The following SLIT1 variants were observed in gnomAD, a reference collection of about 807,000 sequenced individuals.
SLIT1 encodes slit homolog 1 protein.
Under a neutral mutation model 186.1 loss-of-function variants are expected in SLIT1, and 66 were observed. The ratio of observed to expected loss-of-function variants is 0.35; its 90% CI spans 0.29 to 0.44. The LOEUF (loss-of-function observed/expected upper bound fraction) is 0.44, where lower values mean the gene tolerates loss of function less well. Ranked by LOEUF, SLIT1 falls within the 20% of genes least tolerant of loss-of-function variation. The pLI, the probability that SLIT1 is intolerant of heterozygous loss-of-function variation, is 1.00. For synonymous variants in SLIT1, 761 were observed against 833.8 expected, an observed-to-expected ratio of 0.91 and a Z score of 1.50; for missense variants, 1,638 against 2,037.4, an observed-to-expected ratio of 0.80 and a Z score of 3.77.
chr10:97,185,888 G>A lies in SLIT1; in HGVS notation c.-214C>T, dbSNP rs1434498234. 4.0e-5 allele frequency: 20 copies of A among 498,906 alleles called. No homozygotes were observed. In the East Asian group the frequency reaches 6.8e-4, roughly 17 times the overall value. 30.9% of individuals were successfully genotyped at this position (498,906 alleles called of 1,614,324 possible). On this transcript the variant is annotated 5_prime_UTR_variant, in exon 1 of 37. Transcript: ENST00000266058. Reference sequence around the variant, plus strand: ...AGGGCGCCTTGGGCGGAGGGGGCTCGGCTCCTCTGCCGTTTCGCCGCCTGC... The same window carrying A: ...AGGGCGCCTTGGGCGGAGGGGGCTCAGCTCCTCTGCCGTTTCGCCGCCTGC...
chr10:97,082,547 G>A (rs1849115936), intron 4 of SLIT1, among the ~76,000 whole-genome samples: 1 of 152,016 alleles, frequency 6.6e-6, no homozygotes, highest in South Asian at 2.1e-4. Flanking sequence ...TCATTCTCCT[G>A]CCTCAGCCTC....
intron 1 of SLIT1, among the ~76,000 whole-genome samples, chr10:97,173,032 G>A (rs972112072): frequency 1.6e-4 from 25 of 152,054 alleles, no homozygotes; most frequent in African/African-American, 5.8e-4. Context: ...AGCTCCACAC[G>A]CAGAGGATGC....
At chr10:97,137,638 T>G (rs1470918171) in intron 4 of SLIT1, among the ~76,000 whole-genome samples, 2 of 151,962 alleles carry the variant, frequency 1.3e-5, no homozygotes, top group South Asian at 2.1e-4. Flanking sequence ...AGGCTGGAGT[T>G]CAGGGACATA....
At chr10:97,098,131 A>G (rs749913205) in intron 4 of SLIT1, among the ~76,000 whole-genome samples, 2 of 152,202 alleles carry the variant, frequency 1.3e-5, no homozygotes, top group Non-Finnish European at 1.5e-5. Context: ...CCTTCCACAG[A>G]TGGGACAGTG....
chr10:97,052,005 ATACATGC>A (rs1248928762), intron 13 of SLIT1, among the ~76,000 whole-genome samples: 1 of 152,136 alleles, frequency 6.6e-6, no homozygotes, highest in Non-Finnish European at 1.5e-5. Flanking sequence ...CAAAGTACTG[ATACATGC>A]TACAATATGA....
At chr10:97,182,225 A>T (rs1850347956) in intron 1 of SLIT1, among the ~76,000 whole-genome samples, 1 of 152,150 alleles carries the variant, frequency 6.6e-6, no homozygotes, top group African/African-American at 2.4e-5. Context: ...ACAGCAAACC[A>T]ATGACCATTT....
intron 4 of SLIT1, among the ~76,000 whole-genome samples, chr10:97,149,457 T>C (rs1341065690): frequency 6.6e-6 from 1 of 152,132 alleles, no homozygotes; most frequent in East Asian, 1.9e-4. Flanking sequence ...GGCTCTCACA[T>C]TGAACCGGGC....
At position 97,064,236 on chromosome 10, in the gene SLIT1, G is replaced by C; in HGVS notation, c.561C>G (p.Thr187=). ...FRALRGLEVL[T]LNNNNITTIP... ...TGGTGGTGATATTGTTGTTGTTCAGGGTCCTAAATGGGAAAAACCAGAGTC... is the reference window on the plus strand; with the variant it reads ...TGGTGGTGATATTGTTGTTGTTCAGCGTCCTAAATGGGAAAAACCAGAGTC... The change falls in exon 7 of 37, where the codon ACC becomes ACG. Residue 187 remains threonine (T), a synonymous_variant. Transcript: ENST00000266058. The C allele has an allele frequency of 6.2e-7, 1 of 1,613,474 alleles. No homozygotes were observed. Among genetic ancestry groups the C allele is most frequent in the Non-Finnish European group, 8.5e-7 (1 of 1,179,714 alleles).
intron 4 of SLIT1, among the ~76,000 whole-genome samples, chr10:97,086,152 G>A (rs1298728665): frequency 2.0e-5 from 3 of 152,230 alleles, no homozygotes; most frequent in Admixed American, 6.5e-5. Context: ...ATCTGTACAT[G>A]GGTGTTTATG....
intron 4 of SLIT1, chr10:97,102,761 C>G (rs1849372735): frequency 1.3e-5 from 2 of 152,234 alleles, no homozygotes; most frequent in Admixed American, 1.3e-4. Flanking sequence ...TATACAGTGT[C>G]CAGGGAGCAC....
intron 3 of SLIT1, among the ~76,000 whole-genome samples, chr10:97,160,872 C>G (rs1850016093): frequency 6.6e-6 from 1 of 152,130 alleles, no homozygotes; most frequent in Admixed American, 6.5e-5. Context: ...AGGCACGTAC[C>G]ACTGTGCCTG....
Position 97,056,624 on chromosome 10 carries a change from G to C in SLIT1, c.1158-160C>G, listed in dbSNP as rs187443685. ...GCCCTCTGGATGTCTGCCCCACGGA[G>C]AGGGGCCCGGAACTCCGACTGCCTC... On this transcript the variant is annotated intron_variant, in intron 12 of 36. Coordinates refer to ENST00000266058, the MANE Select transcript of SLIT1 (RefSeq NM_003061.3). Among the ~76,000 whole-genome samples the C allele has an allele frequency of 2.7e-4, 41 of 152,346 alleles. No individual in the cohort carries two copies. In the East Asian group the frequency reaches 7.3e-3, roughly 27 times the overall value.
In SLIT1 at chr10:97,021,073, T is replaced by C. The variant is rs1321028304; in HGVS notation, c.2746+177A>G. 2.0e-5 allele frequency among the ~76,000 whole-genome samples: 3 copies of C among 152,224 alleles called. No homozygotes were observed. Among genetic ancestry groups the C allele is most frequent in the Non-Finnish European group, 4.4e-5 (3 of 68,032 alleles). The stretch of plus-strand genomic sequence containing the variant: ...CCTGGGATTTTTCTGCCTGGCTCTT[T>C]TTGTCCATGATATGTCAGGATTGGA... On this transcript the variant is annotated intron_variant, in intron 26 of 36. Coordinates refer to ENST00000266058, the MANE Select transcript of SLIT1 (RefSeq NM_003061.3). This position sits in a 1 kb window ranked among gnomAD's most constrained non-coding sequence, Gnocchi z 4.5.
At position 97,002,243 on chromosome 10, in the gene SLIT1, G is replaced by T. The variant is rs1235795152; in HGVS notation, c.4281C>A (p.Cys1427Ter). The change falls in exon 36 of 37, where the codon TGC becomes TGA. Residue 1427 changes from cysteine (C) to a stop codon, truncating the protein, a stop_gained. Coordinates refer to ENST00000266058, the MANE Select transcript of SLIT1 (RefSeq NM_003061.3). LOFTEE classifies it high-confidence loss of function. ...ALAEPCRGLQ[C>*]LHGHCQASGT... The stretch of plus-strand genomic sequence containing the variant: ...CTGAGGCCTGGCAGTGGCCATGCAG[G>T]CACTGCAGGCCTCTGCAGGGCTCTG... 1 of 1,596,050 alleles carries T rather than the reference G, an allele frequency of 6.3e-7. No individual in the cohort carries two copies. The highest frequency in any genetic ancestry group is 1.7e-5 in the Admixed American group (1 of 58,358).
rs1304116305 is a variant in SLIT1, at chr10:96,998,907, GA to G, written c.*2204del. 1 of 152,324 alleles carries G rather than the reference GA, an allele frequency of 6.6e-6. No individual in the cohort carries two copies. Among genetic ancestry groups the G allele is most frequent in the Non-Finnish European group, 1.5e-5 (1 of 68,158 alleles). The allele number at this position is 152,324 out of a possible 1,614,324, so 9.4% of individuals were successfully genotyped here. ...GTGTCCTTTCCACCTCCTGCAGAAT[GA>G]AGAGGCCTCCTGCCAGCCAGTGCCC... On this transcript the variant is annotated 3_prime_UTR_variant, in exon 37 of 37. Coordinates refer to ENST00000266058, the MANE Select transcript of SLIT1 (RefSeq NM_003061.3).
chr10:97,083,787 C>T (rs1365405521), intron 4 of SLIT1, among the ~76,000 whole-genome samples: 1 of 152,162 alleles, frequency 6.6e-6, no homozygotes, highest in Non-Finnish European at 1.5e-5. Flanking sequence ...AAGAGGCAGG[C>T]ATTGGAATCT....
At chr10:97,040,224 C>T (rs1848678780) in intron 20 of SLIT1, 104 bp from the exon 21 acceptor site, 2 of 1,212,630 alleles carry the variant, frequency 1.6e-6, no homozygotes, top group Non-Finnish European at 2.2e-6. Context: ...CAGAAGACCC[C>T]TCTGACAGTA....
intron 4 of SLIT1, among the ~76,000 whole-genome samples, chr10:97,156,036 C>A (rs1219784631): frequency 1.3e-5 from 2 of 152,162 alleles, no homozygotes; most frequent in Admixed American, 1.3e-4. Flanking sequence ...TTCTGCCTTT[C>A]GCAATCAAGT....
At chr10:97,077,827 C>A (rs1849059860) in intron 4 of SLIT1, among the ~76,000 whole-genome samples, 2 of 152,298 alleles carry the variant, frequency 1.3e-5, no homozygotes, top group East Asian at 3.9e-4. Flanking sequence ...GAACTACAGT[C>A]TGGGCACAGT....
Sources: allele counts gnomAD v4.1 joint callset (sites outside exome capture counted in the v4.1 genomes callset), GRCh38; gene constraint gnomAD v4.1.1; non-coding constraint Gnocchi (gnomAD v3.1); transcripts MANE v1.5; gene names NCBI Gene and HGNC (gene_info 2026-07-23, HGNC 2026-07-21).